Variants in MYO5B observed in about 807,000 individuals in gnomAD.
The protein encoded by MYO5B is myosin VB, also known as unconventional myosin-Vb.
Under a neutral mutation model 229.3 loss-of-function variants are expected in MYO5B, and 143 were observed. That is an observed-to-expected ratio of 0.62 (90% CI 0.54 to 0.72). MYO5B has a LOEUF of 0.72. Among genes scored for constraint, MYO5B ranks in the 30% least tolerant of loss-of-function variants. MYO5B has a pLI of 0.00. For missense variants in MYO5B, 2,321 were observed against 2,331.0 expected (o/e 1.00, Z 0.09); for synonymous variants, 918 against 885.2 (o/e 1.04, Z -0.66).
chr18:49,990,399 T>C (rs1467696380), intron 7 of MYO5B, 40 bp downstream of exon 7: 2 of 1,531,926 alleles, frequency 1.3e-6, no homozygotes, highest in African/African-American at 2.7e-5. Flanking sequence ...GCTGGAGCAG[T>C]AGCCCACCCC....
chr18:50,143,652 A>G (rs527583990), intron 1 of MYO5B, among the ~76,000 whole-genome samples: 3 of 152,220 alleles, frequency 2.0e-5, no homozygotes, highest in Admixed American at 6.5e-5. Context: ...AAAGCCCCCA[A>G]ATGACTACAG....
chr18:49,923,620 A>G (rs902860400), intron 17 of MYO5B, among the ~76,000 whole-genome samples: 1 of 152,182 alleles, frequency 6.6e-6, no homozygotes, highest in Non-Finnish European at 1.5e-5. Context: ...GGTGGCAGAG[A>G]TGTGTATAGA....
At chr18:49,840,055 A>G (rs2024038549) in intron 35 of MYO5B, 1 of 153,026 alleles carries the variant, frequency 6.5e-6, no homozygotes, top group African/African-American at 2.4e-5. Context: ...GATAGAGTCA[A>G]TCATTCTTCC....
intron 2 of MYO5B, among the ~76,000 whole-genome samples, chr18:50,040,753 G>A (rs1458202048): frequency 2.0e-5 from 3 of 151,996 alleles, no homozygotes; most frequent in Non-Finnish European, 4.4e-5. Context: ...CTCTATAAGC[G>A]GCCTCAAGTT....
intron 31 of MYO5B, chr18:49,851,056 C>T (rs1406283206): frequency 6.6e-6 from 1 of 152,196 alleles, no homozygotes; most frequent in African/African-American, 2.4e-5. Context: ...ATGTCTTTTC[C>T]ACCATTACTT....
intron 5 of MYO5B, 67 bp from the exon 6 acceptor site, chr18:49,992,498 T>G: frequency 6.2e-7 from 1 of 1,609,400 alleles, no homozygotes; most frequent in Non-Finnish European, 8.5e-7. Flanking sequence ...GGATTGTATG[T>G]TTGTGGCAGC....
intron 18 of MYO5B, among the ~76,000 whole-genome samples, chr18:49,911,104 C>T (rs1466308648): frequency 4.6e-5 from 7 of 152,206 alleles, no homozygotes; most frequent in Admixed American, 4.6e-4. Flanking sequence ...GCTGGTGATG[C>T]AACCAGCTAG....
intron 1 of MYO5B, among the ~76,000 whole-genome samples, chr18:50,103,047 C>G (rs2052992831): frequency 3.9e-5 from 6 of 152,178 alleles, no homozygotes; most frequent in Admixed American, 3.9e-4. Flanking sequence ...CTCTCCTTCC[C>G]ACTTCTCCCC....
intron 1 of MYO5B, among the ~76,000 whole-genome samples, chr18:50,140,165 C>G (rs2032396500): frequency 6.6e-6 from 1 of 152,182 alleles, no homozygotes; most frequent in Non-Finnish European, 1.5e-5. Context: ...TGGAAAAGAT[C>G]CAGAAATCCT....
Position 49,825,218 on chromosome 18 carries a change from T to C in MYO5B, c.*1253A>G, listed in dbSNP as rs1049692794. ...AGAATATGGGTTTCCAATTGAATGC[T>C]TGCTTTTGAAGAAACCAAAAACAAG... On this transcript the variant is annotated 3_prime_UTR_variant, in exon 40 of 40. Coordinates refer to ENST00000285039, the MANE Select transcript of MYO5B (RefSeq NM_001080467.3). 7 of 152,258 alleles carry C rather than the reference T, an allele frequency of 4.6e-5. No homozygotes were observed. The highest frequency in any genetic ancestry group is 1.2e-4 in the African/African-American group (5 of 41,468). 9.4% of individuals were successfully genotyped at this position (152,258 alleles called of 1,614,324 possible). A position where few individuals can be genotyped will look rare whatever the true frequency, so the allele number is the denominator to read the frequency against.
chr18:49,963,403 A>ATTTATTTATTT (rs1568049806), intron 10 of MYO5B, among the ~76,000 whole-genome samples: 31 of 144,478 alleles, frequency 2.1e-4, no homozygotes, highest in African/African-American at 7.9e-4. Flanking sequence ...TATTTAATTT[A>ATTTATTTATTT]ATTAATTAAT....
chr18:49,888,532 T>A (rs2027705), intron 22 of MYO5B, among the ~76,000 whole-genome samples: 1 of 152,162 alleles, frequency 6.6e-6, no homozygotes, highest in African/African-American at 2.4e-5. Flanking sequence ...GGTTTGGGAA[T>A]GTGAAGAGTT....
chr18:49,944,937 G>A (rs539610893), intron 14 of MYO5B, among the ~76,000 whole-genome samples: 3 of 152,158 alleles, frequency 2.0e-5, no homozygotes, highest in Non-Finnish European at 4.4e-5. Flanking sequence ...CAACTCCAGT[G>A]CTTGTCAAGT....
At chr18:50,000,740 T>C (rs1384585086) in intron 5 of MYO5B, among the ~76,000 whole-genome samples, 1 of 152,208 alleles carries the variant, frequency 6.6e-6, no homozygotes, top group Non-Finnish European at 1.5e-5. Flanking sequence ...CATAGGGAAC[T>C]GTTTTCTGAG....
chr18:49,823,794 CAT>C lies in MYO5B; in HGVS notation c.*2675_*2676del, dbSNP rs932172691. Reference sequence around the variant, plus strand: ...ATGCTTGTCAGCTTCAGCAACAACTCATGTGTACATTCACATTTACTATAAGT... The same window carrying C: ...ATGCTTGTCAGCTTCAGCAACAACTCGTGTACATTCACATTTACTATAAGT... On this transcript the variant is annotated 3_prime_UTR_variant, in exon 40 of 40. Transcript: ENST00000285039. The C allele has an allele frequency of 2.0e-5, 3 of 152,472 alleles. No homozygotes were observed. The highest frequency in any genetic ancestry group is 2.4e-5 in the African/African-American group (1 of 41,444). The allele number at this position is 152,472 out of a possible 1,614,324, so 9.4% of individuals were successfully genotyped here. A position where few individuals can be genotyped will look rare whatever the true frequency, so the allele number is the denominator to read the frequency against.
intron 2 of MYO5B, 28 bp downstream of exon 2, chr18:50,055,240 C>CCCCCCCCCCCCCCCCCCCCCA: frequency 1.2e-6 from 1 of 861,194 alleles, no homozygotes; most frequent in East Asian, 2.4e-5. Flanking sequence ...ACCTCACCCC[C>CCCCCCCCCCCCCCCCCCCCCA]GCCCCCCTGC....
At chr18:49,930,070 C>T (rs2025173049) in intron 16 of MYO5B, among the ~76,000 whole-genome samples, 1 of 152,174 alleles carries the variant, frequency 6.6e-6, no homozygotes, top group African/African-American at 2.4e-5. Context: ...ATGACATGGT[C>T]ACTTACCAGC....
At chr18:50,042,879 T>A (rs1348943629) in intron 2 of MYO5B, among the ~76,000 whole-genome samples, 1 of 152,122 alleles carries the variant, frequency 6.6e-6, no homozygotes, top group Non-Finnish European at 1.5e-5. Flanking sequence ...GTACTCCTCT[T>A]TCAGATTAGA....
chr18:50,037,102 G>A (rs969560452), intron 3 of MYO5B, 108 bp from the exon 4 acceptor site: 30 of 1,229,594 alleles, frequency 2.4e-5, no homozygotes, highest in African/African-American at 9.0e-5. Context: ...AAGAATGAGA[G>A]GGCAGCAGAA....
Sources: gnomAD v4.1 joint callset for allele counts (sites outside exome capture counted in the v4.1 genomes callset) on GRCh38, gnomAD v4.1.1 for gene constraint, MANE v1.5 for transcripts, NCBI Gene and HGNC (gene_info 2026-07-23, HGNC 2026-07-21) for gene names.